The following NFASC variants were observed in gnomAD, a reference collection of about 807,000 sequenced individuals.
NFASC encodes neurofascin, also known as neurofascin homolog.
Under a neutral mutation model 147.5 loss-of-function variants are expected in NFASC, and 43 were observed. That is an observed-to-expected ratio of 0.29 (90% CI 0.23 to 0.38). The LOEUF is 0.38. NFASC is among the 10% of genes least tolerant of loss of function. The pLI is 1.00. For synonymous variants in NFASC, 622 were observed against 665.5 expected, an observed-to-expected ratio of 0.93 and a Z score of 1.01; for missense variants, 1,320 against 1,689.0, an observed-to-expected ratio of 0.78 and a Z score of 3.83.
In NFASC at chr1:205,001,165, A is replaced by C; in HGVS notation, c.3020-5A>C. 3 of 1,583,662 alleles carry C rather than the reference A, an allele frequency of 1.9e-6. No homozygotes were observed. Among genetic ancestry groups the C allele is most frequent in the Non-Finnish European group, 2.6e-6 (3 of 1,157,556 alleles). ...CACTAACCCCTTTTCTAACCCGTCC[A>C]CCAGCCCCTGATGAGCAGTCCATAT... On this transcript the variant is annotated splice_region_variant and splice_polypyrimidine_tract_variant and intron_variant, in intron 25 of 29. Coordinates refer to ENST00000339876, the MANE Select transcript of NFASC (RefSeq NM_001005388.3).
rs151019993 is a variant in NFASC at position 204,848,807 on chromosome 1, G to A, written c.-200+20025G>A. Among the ~76,000 whole-genome samples, 49 of 152,310 alleles carry A rather than the reference G, an allele frequency of 3.2e-4. No homozygotes were observed. In the East Asian group the frequency reaches 9.1e-3, roughly 28 times the overall value. On this transcript the variant is annotated intron_variant, in intron 1 of 29. Transcript: ENST00000339876. ...TTGCCCTCTTCTCAGGATGTTTCCCGGTTACAACCCAGCTTCTGATCTTCA... is the reference window on the plus strand; with the variant it reads ...TTGCCCTCTTCTCAGGATGTTTCCCAGTTACAACCCAGCTTCTGATCTTCA...
rs1296659037 is a variant in NFASC, at chr1:205,018,596, G to A, written c.*2057G>A. 6.5e-6 allele frequency: 1 copy of A among 152,688 alleles called. No individual in the cohort carries two copies. Among genetic ancestry groups the A allele is most frequent in the Non-Finnish European group, 1.5e-5 (1 of 68,076 alleles). The allele number at this position is 152,688 out of a possible 1,614,324, so 9.5% of individuals were successfully genotyped here. ...CAAGGGGACAGGGTAAACAGCAGGGGGTGGGGTGTGAGCTTGGAGGGCCCC... is the reference window on the plus strand; with the variant it reads ...CAAGGGGACAGGGTAAACAGCAGGGAGTGGGGTGTGAGCTTGGAGGGCCCC... On this transcript the variant is annotated 3_prime_UTR_variant, in exon 30 of 30. Transcript: ENST00000339876.
chr1:204,850,099 A>T (rs2075544566), intron 1 of NFASC, among the ~76,000 whole-genome samples: 1 of 152,110 alleles, frequency 6.6e-6, no homozygotes, highest in Non-Finnish European at 1.5e-5. Flanking sequence ...CTGGATACTA[A>T]TCCTTGCTCT....
At chr1:204,834,508 G>A (rs2102389900) in intron 1 of NFASC, among the ~76,000 whole-genome samples, 1 of 152,220 alleles carries the variant, frequency 6.6e-6, no homozygotes, top group South Asian at 2.1e-4. Flanking sequence ...CTTAGCATCT[G>A]CCTTCTCCTC....
At chr1:204,993,393 T>C (rs1228383950) in intron 24 of NFASC, among the ~76,000 whole-genome samples, 4 of 152,204 alleles carry the variant, frequency 2.6e-5, no homozygotes, top group Non-Finnish European at 5.9e-5. Flanking sequence ...GGTCTGCAAA[T>C]GTTTGGTGGG....
chr1:204,939,567 G>C (rs754260083), intron 2 of NFASC, among the ~76,000 whole-genome samples: 1 of 152,226 alleles, frequency 6.6e-6, no homozygotes, highest in African/African-American at 2.4e-5. Flanking sequence ...GGAGTTTCCT[G>C]GTCCTCCCTG....
At chr1:204,946,257 G>C in intron 3 of NFASC, 1 of 482,456 alleles carries the variant, frequency 2.1e-6, no homozygotes, top group South Asian at 1.5e-5. Flanking sequence ...CAGGTGTCAT[G>C]CACCAGGAAG....
At chr1:204,839,487 A>G (rs948033208) in intron 1 of NFASC, among the ~76,000 whole-genome samples, 2 of 151,970 alleles carry the variant, frequency 1.3e-5, no homozygotes, top group Non-Finnish European at 2.9e-5. Context: ...AGGGTGCTGG[A>G]GGGGCCAGAT....
intron 28 of NFASC, among the ~76,000 whole-genome samples, chr1:205,011,207 A>ACCCCC (rs10628542): frequency 1.4e-5 from 2 of 143,090 alleles, no homozygotes; most frequent in South Asian, 2.3e-4. Flanking sequence ...CTCCCCCAGG[A>ACCCCC]CCCCCCCCAA....
At chr1:204,978,672 A>G (rs910865958) in intron 17 of NFASC, among the ~76,000 whole-genome samples, 2 of 152,176 alleles carry the variant, frequency 1.3e-5, no homozygotes, top group African/African-American at 4.8e-5. Flanking sequence ...CAGAAGATCC[A>G]CCAAGACGGA....
intron 2 of NFASC, among the ~76,000 whole-genome samples, chr1:204,943,857 T>C (rs950493262): frequency 1.3e-5 from 2 of 152,242 alleles, no homozygotes; most frequent in Non-Finnish European, 2.9e-5. Flanking sequence ...TTTTCATGAC[T>C]GTTCTTTGCA....
intron 1 of NFASC, among the ~76,000 whole-genome samples, chr1:204,855,104 A>G (rs1391494513): frequency 3.3e-5 from 5 of 152,360 alleles, no homozygotes; most frequent in Admixed American, 2.6e-4. Context: ...GGATAGAGCC[A>G]GGATCTATCT....
chr1:205,005,409 T>TGGAA (rs1421543025), intron 27 of NFASC, among the ~76,000 whole-genome samples: 5 of 150,356 alleles, frequency 3.3e-5, no homozygotes, highest in African/African-American at 1.3e-4. Flanking sequence ...GGGAGAGGTG[T>TGGAA]GGAAGGCACA....
At chr1:204,982,924 G>A (rs1558361384) in intron 21 of NFASC, among the ~76,000 whole-genome samples, 2 of 152,224 alleles carry the variant, frequency 1.3e-5, no homozygotes, top group Admixed American at 1.3e-4. Flanking sequence ...TGGAGGAAGG[G>A]AGGGCTGGGC....
chr1:204,908,766 C>T (rs973774295), intron 1 of NFASC, among the ~76,000 whole-genome samples: 5 of 152,088 alleles, frequency 3.3e-5, no homozygotes, highest in African/African-American at 9.7e-5. Flanking sequence ...TATCATTTCT[C>T]CTATATAAAT....
intron 4 of NFASC, 53 bp from the exon 5 acceptor site, chr1:204,951,958 G>T: frequency 6.1e-6 from 9 of 1,465,816 alleles, no homozygotes; most frequent in Non-Finnish European, 8.6e-6. Flanking sequence ...CCCCAAGCTG[G>T]ACCCCAGGGA....
At chr1:204,936,886 T>G (rs2092898853) in intron 2 of NFASC, among the ~76,000 whole-genome samples, 1 of 152,266 alleles carries the variant, frequency 6.6e-6, no homozygotes. Context: ...TGACTGTGAC[T>G]TGTTCCATTC....
At chr1:204,875,137 G>A (rs1439918544) in intron 1 of NFASC, among the ~76,000 whole-genome samples, 1 of 152,128 alleles carries the variant, frequency 6.6e-6, no homozygotes, top group African/African-American at 2.4e-5. Context: ...CTAGAAGAAA[G>A]TGGGTTGGAT....
Position 204,987,036 on chromosome 1 carries a change from A to G in NFASC, c.2471-382A>G. 1 of 212,508 alleles carries G rather than the reference A, an allele frequency of 4.7e-6. No individual in the cohort carries two copies. The highest frequency in any genetic ancestry group is 9.4e-6 in the Non-Finnish European group (1 of 106,340). 13.2% of individuals were successfully genotyped at this position (212,508 alleles called of 1,614,324 possible). A position where few individuals can be genotyped will look rare whatever the true frequency, so the allele number is the denominator to read the frequency against. ...GAGAATCCTTATCTGAGGATAGGGA[A>G]CTGCAGCCTCTGTACAAAACAGCTG... On this transcript the variant is annotated intron_variant, in intron 21 of 29. Coordinates refer to ENST00000339876, the MANE Select transcript of NFASC (RefSeq NM_001005388.3). The surrounding 1 kb of genome is among the most constrained non-coding windows in gnomAD (Gnocchi z 4.4).
Sources: allele counts gnomAD v4.1 joint callset (sites outside exome capture counted in the v4.1 genomes callset), GRCh38; gene constraint gnomAD v4.1.1; non-coding constraint Gnocchi (gnomAD v3.1); transcripts MANE v1.5; gene names NCBI Gene and HGNC (gene_info 2026-07-23, HGNC 2026-07-21).